Variants in PRKN observed in about 807,000 individuals in gnomAD.
PRKN encodes the protein parkin RBR E3 ubiquitin protein ligase, also known as E3 ubiquitin-protein ligase parkin.
Under a neutral mutation model 59.5 loss-of-function variants are expected in PRKN, and 56 were observed. The observed-to-expected ratio is 0.94, with a 90% CI of 0.76 to 1.18. The LOEUF (loss-of-function observed/expected upper bound fraction) is 1.18. Ranked by LOEUF, PRKN falls within the 50% of genes most tolerant of loss-of-function variation. The pLI, the probability that PRKN is intolerant of heterozygous loss-of-function variation, is 0.00. For missense variants in PRKN, 657 were observed against 596.4 expected, an observed-to-expected ratio of 1.10 and a Z score of -1.06; for synonymous variants, 250 against 222.1, an observed-to-expected ratio of 1.13 and a Z score of -1.12.
At chr6:161,744,917 G>T (rs59407549) in intron 7 of PRKN, among the ~76,000 whole-genome samples, 24,785 of 152,120 alleles carry the variant, frequency 0.16, 2,461 homozygotes, top group East Asian at 0.52. Context: ...GACACTACTC[G>T]AAGCACTCAA....
rs1221825220 is a variant in PRKN at position 161,371,055 on chromosome 6, C to A, written c.1168-10850G>T. On this transcript the variant is annotated intron_variant, in intron 10 of 11. Transcript: ENST00000366898. The surrounding 1 kb of genome is among the most constrained non-coding windows in gnomAD (Gnocchi z 5.5). The stretch of plus-strand genomic sequence containing the variant: ...TTTTCAGGGGCCTTGAGCTAGTCAA[C>A]GTTACTGCTTGGCAACGGGTGTCAC... 6.6e-6 allele frequency among the ~76,000 whole-genome samples: 1 copy of A among 152,170 alleles called. No homozygotes were observed. Among genetic ancestry groups the A allele is most frequent in the African/African-American group, 2.4e-5 (1 of 41,452 alleles).
rs1790239016 is a variant in PRKN, at chr6:161,461,843, A to G, written c.1084-74966T>C. ...TCTAGAGAATGGTCTAGTTAGAGACACAGACTTGGGGCCTATCAACTATAG... is the reference window on the plus strand; with the variant it reads ...TCTAGAGAATGGTCTAGTTAGAGACGCAGACTTGGGGCCTATCAACTATAG... On this transcript the variant is annotated intron_variant, in intron 9 of 11. Transcript: ENST00000366898. The surrounding 1 kb of genome is among the most constrained non-coding windows in gnomAD (Gnocchi z 5.1). 6.6e-6 allele frequency among the ~76,000 whole-genome samples: 1 copy of G among 152,226 alleles called. No individual in the cohort carries two copies. The highest frequency in any genetic ancestry group is 2.1e-4 in the South Asian group (1 of 4,834).
chr6:162,056,127 C>T lies in PRKN; in HGVS notation c.535-1953G>A, dbSNP rs544261415. ...ACACACATATACCCACATGCATGCA[C>T]GCACACCAAGACACACCACACACGC... is the stretch of plus-strand genomic sequence containing the variant. On this transcript the variant is annotated intron_variant, in intron 4 of 11. Transcript: ENST00000366898. This position sits in a 1 kb window ranked among gnomAD's most constrained non-coding sequence, Gnocchi z 4.9. Among the ~76,000 whole-genome samples the T allele has an allele frequency of 4.6e-5, 7 of 150,704 alleles. No individual in the cohort carries two copies. Among genetic ancestry groups the T allele is most frequent in the South Asian group, 2.1e-4 (1 of 4,702 alleles).
At chr6:161,636,068 T>C (rs1269072269) in intron 7 of PRKN, among the ~76,000 whole-genome samples, 1 of 152,038 alleles carries the variant, frequency 6.6e-6, no homozygotes, top group Admixed American at 6.5e-5. Flanking sequence ...GAGTCTCCCA[T>C]CTCGAGTCTC....
intron 1 of PRKN, among the ~76,000 whole-genome samples, chr6:162,444,461 T>C (rs1403912264): frequency 1.3e-5 from 2 of 151,638 alleles, no homozygotes; most frequent in African/African-American, 2.4e-5. Context: ...TTAATCTCCA[T>C]GTGTACTCTT....
intron 7 of PRKN, among the ~76,000 whole-genome samples, chr6:161,647,524 G>A (rs1397247572): frequency 6.6e-6 from 1 of 152,106 alleles, no homozygotes; most frequent in Non-Finnish European, 1.5e-5. Context: ...CCTGCTGCCA[G>A]CACAAACTTC....
At chr6:162,008,969 G>A (rs1010924235) in intron 5 of PRKN, among the ~76,000 whole-genome samples, 4 of 151,876 alleles carry the variant, frequency 2.6e-5, no homozygotes, top group African/African-American at 7.3e-5. Context: ...AACAGGTGAG[G>A]TGTGGCCAAG....
At chr6:162,581,467 A>G (rs903510275) in intron 1 of PRKN, among the ~76,000 whole-genome samples, 1 of 152,238 alleles carries the variant, frequency 6.6e-6, no homozygotes, top group East Asian at 1.9e-4. Flanking sequence ...ACAAAGACAA[A>G]TATTTAACTT....
intron 4 of PRKN, among the ~76,000 whole-genome samples, chr6:162,082,651 C>G (rs1779102491): frequency 6.6e-6 from 1 of 152,132 alleles, no homozygotes; most frequent in Admixed American, 6.5e-5. Context: ...ATGCCTTCCT[C>G]ACTGAGCTCA....
At chr6:162,703,078 T>C (rs1205034124) in intron 1 of PRKN, among the ~76,000 whole-genome samples, 1 of 152,210 alleles carries the variant, frequency 6.6e-6, no homozygotes, top group Non-Finnish European at 1.5e-5. Context: ...AAATCTTATT[T>C]TACATTGTAT....
chr6:162,452,795 G>A (rs777122610), intron 1 of PRKN, among the ~76,000 whole-genome samples: 38 of 130,356 alleles, frequency 2.9e-4, no homozygotes, highest in African/African-American at 1.1e-3. Context: ...TAAAAGGCAG[G>A]GACTACGTGG....
chr6:162,718,771 T>C (rs1395336519), intron 1 of PRKN, among the ~76,000 whole-genome samples: 1 of 151,808 alleles, frequency 6.6e-6, no homozygotes, highest in Non-Finnish European at 1.5e-5. Context: ...AGTTCTAAAA[T>C]GGGCAACAAT....
intron 2 of PRKN, among the ~76,000 whole-genome samples, chr6:162,385,968 C>T (rs1786781103): frequency 6.6e-6 from 1 of 151,966 alleles, no homozygotes; most frequent in African/African-American, 2.4e-5. Context: ...TTGAGAATGA[C>T]AAGCTCAGTA....
intron 6 of PRKN, among the ~76,000 whole-genome samples, chr6:161,924,120 C>CT (rs1448184860): frequency 1.3e-5 from 2 of 152,170 alleles, no homozygotes; most frequent in Non-Finnish European, 2.9e-5. Context: ...GAAAAAGAAA[C>CT]TGTCTCCTGG....
rs546186774 is a variant in PRKN, at chr6:161,872,189, G to A, written c.735-86281C>T. On this transcript the variant is annotated intron_variant, in intron 6 of 11. Coordinates refer to ENST00000366898, the MANE Select transcript of PRKN (RefSeq NM_004562.3). ...CATGAGGAACTACACAGCAGGATTG[G>A]GGACAGAGAACGTCAGTGGGAGGAC... 7.8e-4 allele frequency among the ~76,000 whole-genome samples: 118 copies of A among 152,116 alleles called. 1 individual carries two copies. The highest frequency in any genetic ancestry group is 7.6e-3 in the Admixed American group (116 of 15,262).
intron 6 of PRKN, among the ~76,000 whole-genome samples, chr6:161,947,570 C>A (rs1300730883): frequency 6.6e-6 from 1 of 152,162 alleles, no homozygotes; most frequent in East Asian, 1.9e-4. Context: ...TCACACCTGC[C>A]TGGCCCGAGT....
rs1267105129 is a variant in PRKN at position 161,480,947 on chromosome 6, G to A, written c.1083+67907C>T. The stretch of plus-strand genomic sequence containing the variant: ...GGTGCAGCTTTCTCCATGGTAACCG[G>A]GCAAGGAGAAAAGCGCTTCACAGCC... On this transcript the variant is annotated intron_variant, in intron 9 of 11. Coordinates refer to ENST00000366898, the MANE Select transcript of PRKN (RefSeq NM_004562.3). This position sits in a 1 kb window ranked among gnomAD's most constrained non-coding sequence, Gnocchi z 4.1. Among the ~76,000 whole-genome samples, 2 of 152,186 alleles carry A rather than the reference G, an allele frequency of 1.3e-5. No homozygotes were observed. Among genetic ancestry groups the A allele is most frequent in the Non-Finnish European group, 2.9e-5 (2 of 68,036 alleles).
At chr6:162,688,791 C>T (rs1410616372) in intron 1 of PRKN, among the ~76,000 whole-genome samples, 3 of 152,152 alleles carry the variant, frequency 2.0e-5, no homozygotes, top group Non-Finnish European at 4.4e-5. Context: ...GGAGAATATA[C>T]TTGAAAAGGA....
chr6:161,981,274 C>T (rs568807247), intron 5 of PRKN, among the ~76,000 whole-genome samples: 5 of 152,308 alleles, frequency 3.3e-5, no homozygotes, highest in African/African-American at 4.8e-5. Flanking sequence ...AATAGTTCCT[C>T]GTTAGTGAGA....
Sources: gnomAD v4.1 joint callset for allele counts (sites outside exome capture counted in the v4.1 genomes callset) on GRCh38, gnomAD v4.1.1 for gene constraint, Gnocchi (gnomAD v3.1) non-coding constraint, MANE v1.5 for transcripts, NCBI Gene and HGNC (gene_info 2026-07-23, HGNC 2026-07-21) for gene names.